BAK1: variants seen among roughly 807,000 people sequenced by gnomAD.
BAK1 encodes the protein bcl-2 homologous antagonist/killer.
BAK1 carries 19 observed loss-of-function variants against 24.7 expected under a neutral mutation model. The ratio of observed to expected loss-of-function variants is 0.77; its 90% CI spans 0.54 to 1.13. The LOEUF (loss-of-function observed/expected upper bound fraction) is 1.13, where lower values mean the gene tolerates loss of function less well. Ranked by LOEUF, BAK1 falls within the 50% of genes most tolerant of loss-of-function variation. The pLI is 0.00. For missense variants in BAK1, 194 were observed against 279.4 expected, an observed-to-expected ratio of 0.69 and a Z score of 2.18; for synonymous variants, 86 against 107.3, an observed-to-expected ratio of 0.80 and a Z score of 1.23.
chr6:33,576,672 C>CAAAA (rs370237502), intron 2 of BAK1, among the ~76,000 whole-genome samples: 7 of 128,934 alleles, frequency 5.4e-5, no homozygotes, highest in African/African-American at 2.0e-4. Context: ...ACAAAAAAAA[C>CAAAA]AAAAAAAAAA....
chr6:33,577,411 G>C lies in BAK1; in HGVS notation c.70+124C>G, dbSNP rs771462283. 4.2e-4 allele frequency: 398 copies of C among 944,880 alleles called. No individual in the cohort carries two copies. Among genetic ancestry groups the C allele is most frequent in the Admixed American group, 1.3e-3 (39 of 29,936 alleles). 58.5% of individuals were successfully genotyped at this position (944,880 alleles called of 1,614,324 possible). On this transcript the variant is annotated intron_variant, in intron 2 of 5. Transcript: ENST00000374467. The surrounding 1 kb of genome is among the most constrained non-coding windows in gnomAD (Gnocchi z 4.6). ...TCCAGCCTCTGAGCCCGTGGGTGGG[G>C]AAGAGTATTCCCCACCCACAGTGGG...
rs765477406 is a variant in BAK1, at chr6:33,575,753, C to G, written c.206+40G>C. ...CAGAGACCCATGCGAGCTACTGCCT[C>G]CCTGAAGATGTCCTTGTGGGCCCAG... On this transcript the variant is annotated intron_variant, in intron 3 of 5. Coordinates refer to ENST00000374467, the MANE Select transcript of BAK1 (RefSeq NM_001188.4). The surrounding 1 kb of genome is among the most constrained non-coding windows in gnomAD (Gnocchi z 6.3). The G allele has an allele frequency of 6.2e-7, 1 of 1,605,564 alleles. No individual in the cohort carries two copies. The highest frequency in any genetic ancestry group is 8.5e-7 in the Non-Finnish European group (1 of 1,175,386).
At chr6:33,574,680 C>T (rs902993635) in intron 4 of BAK1, among the ~76,000 whole-genome samples, 1 of 152,218 alleles carries the variant, frequency 6.6e-6, no homozygotes, top group Non-Finnish European at 1.5e-5. Flanking sequence ...CCTACCTTCA[C>T]CTCCAGTTTC....
rs1762796914 is a variant in BAK1 at position 33,573,634 on chromosome 6, C to T, written c.*169G>A. 7.7e-6 allele frequency: 5 copies of T among 650,308 alleles called. No homozygotes were observed. Among genetic ancestry groups the T allele is most frequent in the South Asian group, 7.6e-5 (4 of 52,740 alleles). The allele number at this position is 650,308 out of a possible 1,614,324, so 40.3% of individuals were successfully genotyped here. On this transcript the variant is annotated 3_prime_UTR_variant, in exon 6 of 6. Transcript: ENST00000374467. ...AGCACCATGCAATGTTGAGGTGCCTCTGCAGCCTGACTGGCCCCCACGCAG... is the reference window on the plus strand; with the variant it reads ...AGCACCATGCAATGTTGAGGTGCCTTTGCAGCCTGACTGGCCCCCACGCAG...
At chr6:33,579,386 C>G (rs140505615) in intron 1 of BAK1, among the ~76,000 whole-genome samples, 1 of 152,120 alleles carries the variant, frequency 6.6e-6, no homozygotes, top group African/African-American at 2.4e-5. Context: ...TCCCACCCCC[C>G]GTAGCTCCTT....
chr6:33,579,588 C>G (rs534139289), intron 1 of BAK1, among the ~76,000 whole-genome samples: 1 of 152,346 alleles, frequency 6.6e-6, no homozygotes, highest in South Asian at 2.1e-4. Flanking sequence ...CTGCCTCCCC[C>G]ATCCAAGTGG....
rs1762826835 is a variant in BAK1, at chr6:33,575,393, G to A, written c.255C>T (p.Ile85=). ...GRQLAIIGDD[I]NRRYDSEFQT... ...GGAACTCTGAGTCATAGCGTCGGTT[G>A]ATGTCGTCCCCGATGATGGCGAGCT... Residue 85 remains isoleucine, a synonymous_variant, in exon 4 of 6, where the codon ATC becomes ATT. Transcript: ENST00000374467. The surrounding 1 kb of genome is among the most constrained non-coding windows in gnomAD (Gnocchi z 6.3). 1 of 1,614,074 alleles carries A rather than the reference G, an allele frequency of 6.2e-7. No individual in the cohort carries two copies. The highest frequency in any genetic ancestry group is 8.5e-7 in the Non-Finnish European group (1 of 1,180,046).
intron 4 of BAK1, chr6:33,574,508 G>T: frequency 6.9e-7 from 1 of 1,443,898 alleles, no homozygotes; most frequent in Non-Finnish European, 9.2e-7. Context: ...GAGATTACCT[G>T]TGGGTGTTGC....
In BAK1 at chr6:33,573,659, G is replaced by A; in HGVS notation, c.*144C>T. 1 of 718,440 alleles carries A rather than the reference G, an allele frequency of 1.4e-6. No homozygotes were observed. Among genetic ancestry groups the A allele is most frequent in the South Asian group, 1.8e-5 (1 of 55,972 alleles). The allele number at this position is 718,440 out of a possible 1,614,324, so 44.5% of individuals were successfully genotyped here. A position where few individuals can be genotyped will look rare whatever the true frequency, so the allele number is the denominator to read the frequency against. On this transcript the variant is annotated 3_prime_UTR_variant, in exon 6 of 6. Transcript: ENST00000374467. Reference sequence around the variant, plus strand: ...CTGCAGCCTGACTGGCCCCCACGCAGGGGCCCTCCGAAGCTGGAGTGCACA... The same window carrying A: ...CTGCAGCCTGACTGGCCCCCACGCAAGGGCCCTCCGAAGCTGGAGTGCACA...
intron 2 of BAK1, among the ~76,000 whole-genome samples, chr6:33,576,676 A>AG (rs1337513754): frequency 2.0e-5 from 3 of 151,776 alleles, no homozygotes; most frequent in South Asian, 2.1e-4. Flanking sequence ...AAAAAACAAA[A>AG]AAAAAAAAAA....
intron 2 of BAK1, among the ~76,000 whole-genome samples, chr6:33,576,256 G>A (rs562253995): frequency 1.8e-4 from 27 of 151,840 alleles, no homozygotes; most frequent in African/African-American, 6.0e-4. Context: ...ACTTGACCCC[G>A]GGAGGCGGAG....
chr6:33,576,023 C>T, intron 2 of BAK1, 95 bp from the exon 3 acceptor site: 1 of 1,543,360 alleles, frequency 6.5e-7, no homozygotes, highest in Non-Finnish European at 8.8e-7. Flanking sequence ...CATAGCTGTC[C>T]TCACCCATGG....
rs1026002447 is a variant in BAK1, at chr6:33,577,230, A to G, written c.70+305T>C. Among the ~76,000 whole-genome samples, 6 of 152,076 alleles carry G rather than the reference A, an allele frequency of 3.9e-5. No homozygotes were observed. The highest frequency in any genetic ancestry group is 1.5e-4 in the African/African-American group (6 of 41,374). ...CTCCCGCTGGAGGGATACAGCAGCC[A>G]GGCCCCACTCTAATTCCTGCCTCCC... On this transcript the variant is annotated intron_variant, in intron 2 of 5. Transcript: ENST00000374467. The surrounding 1 kb of genome is among the most constrained non-coding windows in gnomAD (Gnocchi z 4.6).
chr6:33,576,208 A>G (rs989542723), intron 2 of BAK1, among the ~76,000 whole-genome samples: 2 of 152,006 alleles, frequency 1.3e-5, no homozygotes, highest in African/African-American at 4.8e-5. Context: ...CATGCCTGTA[A>G]TCCCACCTAC....
At chr6:33,579,481 C>G (rs1762901402) in intron 1 of BAK1, among the ~76,000 whole-genome samples, 1 of 152,180 alleles carries the variant, frequency 6.6e-6, no homozygotes, top group African/African-American at 2.4e-5. Flanking sequence ...ACTGCACCTC[C>G]AACTCCCTCT....
rs1005412521 is a variant in BAK1 at position 33,577,672 on chromosome 6, G to A, written c.-31-37C>T. Reference sequence around the variant, plus strand: ...GGCGAGAAAAAGCAGAGATGGGGGTGAGCACAGACCTGTGACTGGGGACCC... The same window carrying A: ...GGCGAGAAAAAGCAGAGATGGGGGTAAGCACAGACCTGTGACTGGGGACCC... On this transcript the variant is annotated intron_variant, in intron 1 of 5. Coordinates refer to ENST00000374467, the MANE Select transcript of BAK1 (RefSeq NM_001188.4). This position sits in a 1 kb window ranked among gnomAD's most constrained non-coding sequence, Gnocchi z 4.6. 2.1e-5 allele frequency: 29 copies of A among 1,406,958 alleles called. No homozygotes were observed. The highest frequency in any genetic ancestry group is 2.6e-5 in the Non-Finnish European group (27 of 1,027,936). The allele number at this position is 1,406,958 out of a possible 1,614,324, so 87.2% of individuals were successfully genotyped here.
In BAK1 at chr6:33,575,950, CAG is replaced by C. The variant is rs773075870; in HGVS notation, c.71-24_71-23del. On this transcript the variant is annotated intron_variant, in intron 2 of 5. Transcript: ENST00000374467. This position sits in a 1 kb window ranked among gnomAD's most constrained non-coding sequence, Gnocchi z 6.3. ...TCCTCTGAGGATCAAAGCTGGGAGT[CAG>C]GGAGAGAGGGCCGAACCCTGGCAGC... 4 of 1,613,702 alleles carry C rather than the reference CAG, an allele frequency of 2.5e-6. No individual in the cohort carries two copies. The highest frequency in any genetic ancestry group is 2.5e-6 in the Non-Finnish European group (3 of 1,179,834).
At position 33,575,121 on chromosome 6, in the gene BAK1, T is replaced by G; in HGVS notation, c.350+177A>C. 1.1e-6 allele frequency: 1 copy of G among 924,434 alleles called. No homozygotes were observed. Among genetic ancestry groups the G allele is most frequent in the Non-Finnish European group, 1.7e-6 (1 of 581,328 alleles). 57.3% of individuals were successfully genotyped at this position (924,434 alleles called of 1,614,324 possible). On this transcript the variant is annotated intron_variant, in intron 4 of 5. Coordinates refer to ENST00000374467, the MANE Select transcript of BAK1 (RefSeq NM_001188.4). The surrounding 1 kb of genome is among the most constrained non-coding windows in gnomAD (Gnocchi z 6.3). ...TGTGAGCTAATGCCCAAAATACAAG[T>G]CTGGGACCCCGAAAGAGAAAAATAG... is the stretch of plus-strand genomic sequence containing the variant.
Position 33,575,085 on chromosome 6 carries a change from C to T in BAK1, c.350+213G>A. ...ACCAGTCAAGACCTTGGAGTCAGAG[C>T]TCAAAAGAGCTGTGAGCTAATGCCC... On this transcript the variant is annotated intron_variant, in intron 4 of 5. Coordinates refer to ENST00000374467, the MANE Select transcript of BAK1 (RefSeq NM_001188.4). The surrounding 1 kb of genome is among the most constrained non-coding windows in gnomAD (Gnocchi z 6.3). 1.4e-6 allele frequency: 1 copy of T among 691,174 alleles called. No individual in the cohort carries two copies. Among genetic ancestry groups the T allele is most frequent in the South Asian group, 1.7e-5 (1 of 58,200 alleles). The allele number at this position is 691,174 out of a possible 1,614,324, so 42.8% of individuals were successfully genotyped here. A position where few individuals can be genotyped will look rare whatever the true frequency, so the allele number is the denominator to read the frequency against.
Sources: allele counts gnomAD v4.1 joint callset (sites outside exome capture counted in the v4.1 genomes callset), GRCh38; gene constraint gnomAD v4.1.1; non-coding constraint Gnocchi (gnomAD v3.1); transcripts MANE v1.5; gene names NCBI Gene and HGNC (gene_info 2026-07-23, HGNC 2026-07-21).